The following SEC14L5 variants were observed in gnomAD, a reference collection of about 807,000 sequenced individuals.
SEC14L5 encodes SEC14 like lipid binding 5.
In SEC14L5, 96 loss-of-function variants were observed where a neutral mutation model predicts 84.6. That is an observed-to-expected ratio of 1.13 (90% confidence interval 0.96 to 1.34). The LOEUF is 1.34. Ranked by LOEUF, SEC14L5 falls within the 40% of genes most tolerant of loss-of-function variation. The pLI is 0.00. For missense variants in SEC14L5, 1,224 were observed against 942.5 expected (o/e 1.30, Z -3.91); for synonymous variants, 546 against 383.4 (o/e 1.42, Z -4.95).
chr16:4,959,339 C>G lies in SEC14L5; in HGVS notation c.16C>G (p.Gln6Glu), dbSNP rs755493448. The change falls in exon 2 of 16, where the codon CAG (glutamine) becomes GAG (glutamate). Residue 6 changes from glutamine (Q) to glutamate (E), a missense_variant. Transcript: ENST00000251170. The part of the protein sequence containing the change: MVQRY[Q>E]SPVRVYKYPF... ...CAGCGTGAACATGGTGCAAAGATAC[C>G]AGTCTCCTGTCCGAGTCTACAAGTA... 2.5e-6 allele frequency: 4 copies of G among 1,613,550 alleles called. No homozygotes were observed. Among genetic ancestry groups the G allele is most frequent in the Non-Finnish European group, 3.4e-6 (4 of 1,179,644 alleles).
chr16:4,995,772 G>C (rs1051365757), intron 6 of SEC14L5, among the ~76,000 whole-genome samples: 4 of 151,946 alleles, frequency 2.6e-5, no homozygotes, highest in African/African-American at 9.7e-5. Context: ...GATTACAGGT[G>C]TGTGCCACCA....
At chr16:4,986,500 G>A (rs1198560448) in intron 2 of SEC14L5, among the ~76,000 whole-genome samples, 2 of 152,118 alleles carry the variant, frequency 1.3e-5, no homozygotes, top group South Asian at 2.1e-4. Context: ...GCTCTTTTTC[G>A]ATTGCTTTTG....
In SEC14L5 at chr16:4,988,182, A is replaced by C; in HGVS notation, c.247A>C (p.Thr83Pro). Residue 83 changes from threonine (T) to proline (P), a missense_variant, in exon 4 of 16, where the codon ACA becomes CCA. Coordinates refer to ENST00000251170, the MANE Select transcript of SEC14L5 (RefSeq NM_014692.2). ...TGTTGAGCACGTGGTCTTCGTGCAG[A>C]CAAACATCTTGAACTGGAAGGAGAG... Reference protein sequence around the residue: ...AGVEHVVFVQTNILNWKERTL... With the variant: ...AGVEHVVFVQPNILNWKERTL... 1 of 1,613,610 alleles carries C rather than the reference A, an allele frequency of 6.2e-7. No individual in the cohort carries two copies. Among genetic ancestry groups the C allele is most frequent in the Non-Finnish European group, 8.5e-7 (1 of 1,179,724 alleles).
chr16:4,983,871 C>G (rs1328597424), intron 2 of SEC14L5, among the ~76,000 whole-genome samples: 2 of 134,886 alleles, frequency 1.5e-5, no homozygotes, highest in African/African-American at 2.8e-5. Context: ...GAACAAAACT[C>G]TGTCTCAAAT....
intron 6 of SEC14L5, among the ~76,000 whole-genome samples, chr16:4,994,374 T>C (rs993469237): frequency 1.3e-5 from 2 of 152,056 alleles, no homozygotes; most frequent in Non-Finnish European, 2.9e-5. Context: ...TCTTTTTTTT[T>C]TATCTGTCAC....
chr16:5,013,032 G>T (rs1296585036), intron 15 of SEC14L5, among the ~76,000 whole-genome samples: 1 of 152,070 alleles, frequency 6.6e-6, no homozygotes, highest in Non-Finnish European at 1.5e-5. Flanking sequence ...AGGGTCAGGA[G>T]AGAGAGAGAG....
chr16:4,996,240 C>T lies in SEC14L5; in HGVS notation c.668-108C>T, dbSNP rs60492913. Reference sequence around the variant, plus strand: ...GGCGGGGGCTTAGCCTGGTTTGGAACCACGTTTTAGAGTCAGTGAGGCAGC... The same window carrying T: ...GGCGGGGGCTTAGCCTGGTTTGGAATCACGTTTTAGAGTCAGTGAGGCAGC... On this transcript the variant is annotated intron_variant, in intron 6 of 15. Coordinates refer to ENST00000251170, the MANE Select transcript of SEC14L5 (RefSeq NM_014692.2). 1,894 of 682,220 alleles carry T rather than the reference C, an allele frequency of 2.8e-3. 17 individuals are homozygous for T. The highest frequency in any genetic ancestry group is 0.023 in the East Asian group (801 of 35,356). The allele number at this position is 682,220 out of a possible 1,614,324, so 42.3% of individuals were successfully genotyped here.
At chr16:4,987,201 CTT>C (rs34934353) in intron 2 of SEC14L5, among the ~76,000 whole-genome samples, 4 of 143,636 alleles carry the variant, frequency 2.8e-5, no homozygotes, top group Admixed American at 7.0e-5. Context: ...TTTATTGAAT[CTT>C]TTTTTTTTTT....
intron 2 of SEC14L5, among the ~76,000 whole-genome samples, chr16:4,963,398 T>C (rs1955153402): frequency 6.6e-6 from 1 of 152,134 alleles, no homozygotes; most frequent in African/African-American, 2.4e-5. Context: ...TAGGTTGGAG[T>C]GCAGTGGCAT....
chr16:5,011,107 A>T lies in SEC14L5; in HGVS notation c.1813A>T (p.Thr605Ser), dbSNP rs1955794963. 2 of 1,602,468 alleles carry T rather than the reference A, an allele frequency of 1.2e-6. No individual in the cohort carries two copies. The highest frequency in any genetic ancestry group is 1.7e-6 in the Non-Finnish European group (2 of 1,174,896). Residue 605 changes from threonine (T) to serine (S), a missense_variant, in exon 15 of 16, where the codon ACC becomes TCC. Transcript: ENST00000251170. Reference protein sequence around the residue: ...EGESIQGSHVTRWPGVYLLQW... With the variant: ...EGESIQGSHVSRWPGVYLLQW... ...TGATGTGTTTCAGGGCTCCCATGTG[A>T]CCCGGTGGCCCGGCGTCTACCTGCT...
rs1955090985 is a variant in SEC14L5, at chr16:4,959,348, G to C, written c.25G>C (p.Val9Leu). 2 of 1,613,742 alleles carry C rather than the reference G, an allele frequency of 1.2e-6. No homozygotes were observed. The highest frequency in any genetic ancestry group is 2.2e-5 in the East Asian group (1 of 44,888). The change falls in exon 2 of 16, where the codon GTC (valine) becomes CTC (leucine). Residue 9 changes from valine (V) to leucine (L), a missense_variant. Physicochemically the swap from Val to Leu is conservative, Grantham distance 32. Transcript: ENST00000251170. ...CATGGTGCAAAGATACCAGTCTCCT[G>C]TCCGAGTCTACAAGTACCCGTTTGA... MVQRYQSP[V>L]RVYKYPFELV...
chr16:5,011,334 A>G, intron 15 of SEC14L5, 61 bp downstream of exon 15: 1 of 1,525,622 alleles, frequency 6.6e-7, no homozygotes, highest in Admixed American at 1.8e-5. Context: ...TTGACAATGC[A>G]GATGCCTGGC....
intron 2 of SEC14L5, 54 bp from the exon 3 acceptor site, chr16:4,987,503 G>GT (rs1253239317): frequency 2.8e-6 from 4 of 1,441,954 alleles, no homozygotes. Flanking sequence ...GCGCTGGGGG[G>GT]GGGGGTCCCT....
chr16:5,014,121 C>G (rs1362821469), intron 15 of SEC14L5, among the ~76,000 whole-genome samples: 1 of 152,232 alleles, frequency 6.6e-6, no homozygotes, highest in Non-Finnish European at 1.5e-5. Context: ...AGCAATTTAA[C>G]TTAGCAAGGA....
intron 2 of SEC14L5, among the ~76,000 whole-genome samples, chr16:4,984,756 C>T (rs1158610887): frequency 2.6e-5 from 4 of 152,266 alleles, no homozygotes; most frequent in Middle Eastern, 3.4e-3. Flanking sequence ...AGTGGTATTT[C>T]ATTGTGGTTT....
In SEC14L5 at chr16:5,008,624, C is replaced by T. The variant is rs1235441943; in HGVS notation, c.1776C>T (p.Val592=). 2 of 1,605,746 alleles carry T rather than the reference C, an allele frequency of 1.2e-6. No homozygotes were observed. Among genetic ancestry groups the T allele is most frequent in the East Asian group, 4.5e-5 (2 of 44,844 alleles). ...ACAGCCGTGTGGAGGCTCCCCTTGT[C>T]TGCCGGGAGGGGGAGAGCATCCAGG... ...RDYSRVEAPL[V]CREGESIQGS... Residue 592 remains valine, a synonymous_variant, in exon 14 of 16, where the codon GTC becomes GTT. Transcript: ENST00000251170.
chr16:4,978,759 C>A (rs375368448), intron 2 of SEC14L5, among the ~76,000 whole-genome samples: 2 of 148,634 alleles, frequency 1.3e-5, no homozygotes, highest in East Asian at 2.4e-4. Context: ...CCTGCCACCA[C>A]GCTCGGCTAA....
chr16:4,991,689 C>G (rs1224494167), intron 5 of SEC14L5, 149 bp from the exon 6 acceptor site: 1 of 510,972 alleles, frequency 2.0e-6, no homozygotes, highest in Non-Finnish European at 3.4e-6. Flanking sequence ...CGCAGCTTCT[C>G]TCCATCCCGA....
At chr16:5,007,770 T>C (rs989639906) in intron 13 of SEC14L5, among the ~76,000 whole-genome samples, 5 of 151,106 alleles carry the variant, frequency 3.3e-5, no homozygotes, top group Admixed American at 2.6e-4. Context: ...TGCGTCCAGC[T>C]AATTTTTGTA....
Sources: gnomAD v4.1 joint callset for allele counts (sites outside exome capture counted in the v4.1 genomes callset) on GRCh38, gnomAD v4.1.1 for gene constraint, MANE v1.5 for transcripts, NCBI Gene and HGNC (gene_info 2026-07-23, HGNC 2026-07-21) for gene names.